RPS6KC1: variants seen among roughly 807,000 people sequenced by gnomAD.
RPS6KC1 encodes ribosomal protein S6 kinase C1, also known as inactive ribosomal protein S6 kinase delta-1.
A neutral mutation model predicts 103.8 loss-of-function variants in RPS6KC1; 54 were observed. The observed-to-expected ratio is 0.52, with a 90% CI of 0.42 to 0.65. The LOEUF (loss-of-function observed/expected upper bound fraction) is 0.65, where lower values mean the gene tolerates loss of function less well. RPS6KC1 is among the 30% of genes least tolerant of loss of function. The pLI, the probability that RPS6KC1 is intolerant of heterozygous loss-of-function variation, is 0.00. For synonymous variants in RPS6KC1, 439 were observed against 438.7 expected (o/e 1.00, Z -0.01); for missense variants, 1,151 against 1,253.8 (o/e 0.92, Z 1.24).
At chr1:213,170,444 T>G (rs2148215241) in intron 7 of RPS6KC1, among the ~76,000 whole-genome samples, 1 of 152,346 alleles carries the variant, frequency 6.6e-6, no homozygotes, top group East Asian at 1.9e-4. Context: ...CTAGATATAC[T>G]TTGGAGTTAT....
the RPS6KC1 span, among the ~76,000 whole-genome samples, chr1:213,713,285 A>G: frequency 1.3e-5 from 2 of 152,114 alleles, no homozygotes; most frequent in Non-Finnish European, 2.9e-5. Flanking sequence ...TTTTTCCCTG[A>G]GTTCGGCCAG....
chr1:213,326,220 GA>G, the RPS6KC1 span, among the ~76,000 whole-genome samples: 7 of 151,136 alleles, frequency 4.6e-5, no homozygotes, highest in South Asian at 2.1e-4. Flanking sequence ...AAAGAAAAAA[GA>G]AAAAAAAGAC....
At chr1:213,209,449 T>C (rs2093439923) in intron 8 of RPS6KC1, among the ~76,000 whole-genome samples, 1 of 151,972 alleles carries the variant, frequency 6.6e-6, no homozygotes, top group Non-Finnish European at 1.5e-5. Flanking sequence ...TAATCCCAGC[T>C]CTTTGGTATT....
At chr1:213,375,770 A>G in the RPS6KC1 span, among the ~76,000 whole-genome samples, 2 of 152,190 alleles carry the variant, frequency 1.3e-5, no homozygotes, top group South Asian at 2.1e-4. Flanking sequence ...AGGGGGACCT[A>G]TGTTTTGTCA....
At chr1:213,355,452 G>C in the RPS6KC1 span, among the ~76,000 whole-genome samples, 1 of 152,042 alleles carries the variant, frequency 6.6e-6, no homozygotes, top group Non-Finnish European at 1.5e-5. Context: ...GCACGGGCAC[G>C]GGGCAGTTGA....
chr1:213,596,222 G>C, the RPS6KC1 span, among the ~76,000 whole-genome samples: 1 of 152,206 alleles, frequency 6.6e-6, no homozygotes, highest in East Asian at 1.9e-4. Context: ...TAGGGATAAA[G>C]AATTTTCTGT....
rs115683688 is a variant in RPS6KC1 at position 213,111,316 on chromosome 1, A to T, written c.379-6001A>T. 3.2e-3 allele frequency among the ~76,000 whole-genome samples: 483 copies of T among 152,202 alleles called. 4 individuals are homozygous for T. The highest frequency in any genetic ancestry group is 0.011 in the African/African-American group (460 of 41,546). On this transcript the variant is annotated intron_variant, in intron 4 of 14. Coordinates refer to ENST00000366960, the MANE Select transcript of RPS6KC1 (RefSeq NM_012424.6). ...TCTTCATTAACAGAAAAACTTTGAG[A>T]TACTATATATCCCAAAATTTCTATG...
At chr1:213,066,571 G>C (rs1321356071) in intron 1 of RPS6KC1, among the ~76,000 whole-genome samples, 1 of 152,194 alleles carries the variant, frequency 6.6e-6, no homozygotes, top group Non-Finnish European at 1.5e-5. Flanking sequence ...CAGGGGTTCC[G>C]TCTAGGTCCT....
chr1:213,262,690 G>A, intron 13 of RPS6KC1, 31 bp from the exon 14 acceptor site: 1 of 1,315,066 alleles, frequency 7.6e-7, no homozygotes, highest in African/African-American at 1.4e-5. Context: ...TGTTATTTGG[G>A]ATAAGAAGTG....
intron 8 of RPS6KC1, among the ~76,000 whole-genome samples, chr1:213,216,266 C>G (rs1424637426): frequency 1.3e-5 from 2 of 152,126 alleles, no homozygotes; most frequent in Non-Finnish European, 2.9e-5. Flanking sequence ...CAACAAAGAT[C>G]AAAAGAGACA....
chr1:213,246,862 C>T (rs567763407), intron 12 of RPS6KC1, among the ~76,000 whole-genome samples: 20 of 151,960 alleles, frequency 1.3e-4, no homozygotes, highest in Admixed American at 4.6e-4. Flanking sequence ...TGCACTCCAG[C>T]CTGGGCAACA....
the RPS6KC1 span, among the ~76,000 whole-genome samples, chr1:213,517,110 TTC>T: frequency 6.6e-6 from 1 of 152,214 alleles, no homozygotes; most frequent in Non-Finnish European, 1.5e-5. Context: ...TATTTGATTC[TTC>T]TCTGTTTTCT....
intron 1 of RPS6KC1, among the ~76,000 whole-genome samples, chr1:213,059,946 C>A (rs1229662161): frequency 2.0e-5 from 3 of 152,144 alleles, no homozygotes; most frequent in Non-Finnish European, 2.9e-5. Context: ...GCTGGGATTA[C>A]AGGCGTGAGC....
the RPS6KC1 span, among the ~76,000 whole-genome samples, chr1:213,734,846 T>C: frequency 1.1e-4 from 17 of 152,374 alleles, no homozygotes; most frequent in South Asian, 2.5e-3. Context: ...TTTGAAGTTA[T>C]CTCATTCCTA....
At chr1:213,137,660 C>T (rs1287547324) in intron 6 of RPS6KC1, among the ~76,000 whole-genome samples, 5 of 151,084 alleles carry the variant, frequency 3.3e-5, no homozygotes, top group Non-Finnish European at 7.4e-5. Context: ...TATCAGATGC[C>T]AACCTGTGTT....
At chr1:213,414,877 C>G in the RPS6KC1 span, among the ~76,000 whole-genome samples, 1 of 152,134 alleles carries the variant, frequency 6.6e-6, no homozygotes, top group African/African-American at 2.4e-5. Context: ...AGCGTGTTCA[C>G]CTGGGGCTTT....
At chr1:213,286,705 A>T in the RPS6KC1 span, among the ~76,000 whole-genome samples, 1 of 152,248 alleles carries the variant, frequency 6.6e-6, no homozygotes. Context: ...GTGATAGAAT[A>T]TTCCCATTTT....
the RPS6KC1 span, among the ~76,000 whole-genome samples, chr1:213,596,886 C>A: frequency 0.055 from 8,407 of 152,212 alleles, 428 homozygotes; most frequent in East Asian, 0.28. Context: ...AATTGCTTTA[C>A]GTATTCAGAG....
At chr1:213,072,186 G>A (rs1363127766) in intron 2 of RPS6KC1, among the ~76,000 whole-genome samples, 7 of 151,574 alleles carry the variant, frequency 4.6e-5, no homozygotes, top group Admixed American at 4.6e-4. Flanking sequence ...TGGGTGGTAG[G>A]TTGTTTCTGT....
Sources: gnomAD v4.1 joint callset for allele counts (sites outside exome capture counted in the v4.1 genomes callset) on GRCh38, gnomAD v4.1.1 for gene constraint, MANE v1.5 for transcripts, NCBI Gene and HGNC (gene_info 2026-07-23, HGNC 2026-07-21) for gene names.